CSMD1: variants seen among roughly 807,000 people sequenced by gnomAD.
CSMD1 encodes the protein CUB and Sushi multiple domains 1.
Under a neutral mutation model 417.5 loss-of-function variants are expected in CSMD1, and 213 were observed. The ratio of observed to expected loss-of-function variants is 0.51; its 90% CI spans 0.46 to 0.57. CSMD1 has a LOEUF of 0.57. Ranked by LOEUF, CSMD1 falls within the 20% of genes least tolerant of loss-of-function variation. CSMD1 has a pLI of 0.00. For synonymous variants in CSMD1, 2,862 were observed against 1,736.8 expected (o/e 1.65, Z -16.11); for missense variants, 6,923 against 4,529.7 (o/e 1.53, Z -15.17).
At chr8:3,602,267 T>C (rs1162053552) in intron 8 of CSMD1, among the ~76,000 whole-genome samples, 2 of 152,086 alleles carry the variant, frequency 1.3e-5, no homozygotes, top group South Asian at 2.1e-4. Context: ...AATTGCACAG[T>C]TTAGAGTCCC....
intron 1 of CSMD1, among the ~76,000 whole-genome samples, chr8:4,826,648 C>A (rs1160715385): frequency 1.3e-5 from 2 of 152,080 alleles, no homozygotes; most frequent in Non-Finnish European, 2.9e-5. Context: ...GGCACTTGCA[C>A]CTCACTCTCA....
At chr8:4,742,731 G>C (rs1810704336) in intron 1 of CSMD1, among the ~76,000 whole-genome samples, 1 of 152,026 alleles carries the variant, frequency 6.6e-6, no homozygotes, top group Admixed American at 6.6e-5. Context: ...AATGGCAAGT[G>C]GCAGAAAGAA....
At chr8:3,624,593 A>C (rs561538667) in intron 7 of CSMD1, among the ~76,000 whole-genome samples, 36 of 152,302 alleles carry the variant, frequency 2.4e-4, no homozygotes, top group Admixed American at 5.9e-4. Flanking sequence ...CAGAGAGGTG[A>C]CGTATGTTTT....
chr8:3,184,386 C>T lies in CSMD1; in HGVS notation c.5621-3172G>A, dbSNP rs527933781. 4.6e-5 allele frequency among the ~76,000 whole-genome samples: 7 copies of T among 152,280 alleles called. No homozygotes were observed. The South Asian group carries it at 1.5e-3, about 32-fold the overall frequency. ...AGAACCTTCCCTGATTAGGACACAG[C>T]CTCAAAAACTTGAACCTCATCAAAT... is the stretch of plus-strand genomic sequence containing the variant. On this transcript the variant is annotated intron_variant, in intron 36 of 69. Transcript: ENST00000635120.
rs6982253 is a variant in CSMD1, at chr8:4,314,495, G to A, written c.415+105458C>T. On this transcript the variant is annotated intron_variant, in intron 3 of 69. Transcript: ENST00000635120. ...ATCCGTTCCTTGAATACCTTTCTAA[G>A]CAGTCTGGACTTTGCTAATGCCTTG... Among the ~76,000 whole-genome samples, 13 of 152,040 alleles carry A rather than the reference G, an allele frequency of 8.6e-5. No homozygotes were observed. The East Asian group carries it at 2.3e-3, about 27-fold the overall frequency.
chr8:4,917,124 T>C (rs1412699317), intron 1 of CSMD1, among the ~76,000 whole-genome samples: 4 of 152,044 alleles, frequency 2.6e-5, no homozygotes, highest in African/African-American at 7.3e-5. Flanking sequence ...ACAGTCATGG[T>C]GGAAGGGAAA....
intron 28 of CSMD1, among the ~76,000 whole-genome samples, chr8:3,222,492 G>C (rs1585701601): frequency 6.6e-6 from 1 of 151,990 alleles, no homozygotes; most frequent in South Asian, 2.1e-4. Context: ...AAAATTTTTT[G>C]TAGTGATGGA....
chr8:4,578,258 T>A (rs1048856469), intron 2 of CSMD1, among the ~76,000 whole-genome samples: 1 of 150,920 alleles, frequency 6.6e-6, no homozygotes, highest in Non-Finnish European at 1.5e-5. Context: ...CCTCCCGGGT[T>A]CACGCCATTC....
In CSMD1 at chr8:4,900,858, C is replaced by G. The variant is rs577498472; in HGVS notation, c.85+93474G>C. ...CTAATTTCTGTCCTTATGTAATGCA[C>G]ACTTCCTTCAGTCGAGCACAGTCAC... is the stretch of plus-strand genomic sequence containing the variant. On this transcript the variant is annotated intron_variant, in intron 1 of 69. Coordinates refer to ENST00000635120, the MANE Select transcript of CSMD1 (RefSeq NM_033225.6). 2.6e-5 allele frequency among the ~76,000 whole-genome samples: 4 copies of G among 152,348 alleles called. No homozygotes were observed. In the East Asian group the frequency reaches 7.7e-4, roughly 29 times the overall value.
intron 2 of CSMD1, among the ~76,000 whole-genome samples, chr8:4,494,435 C>T (rs193251390): frequency 8.5e-4 from 130 of 152,236 alleles, no homozygotes; most frequent in African/African-American, 2.9e-3. Context: ...ATTAGTTTAT[C>T]GCATATATTG....
intron 3 of CSMD1, among the ~76,000 whole-genome samples, chr8:4,063,765 T>G (rs1799101460): frequency 6.6e-6 from 1 of 152,198 alleles, no homozygotes; most frequent in South Asian, 2.1e-4. Context: ...CTAAATTTCA[T>G]ATCTACTTCT....
At chr8:4,725,906 CA>C (rs1479943806) in intron 1 of CSMD1, among the ~76,000 whole-genome samples, 3 of 152,068 alleles carry the variant, frequency 2.0e-5, no homozygotes, top group Admixed American at 6.5e-5. Context: ...GTTCACATTC[CA>C]GGGGGGGTTA....
chr8:4,055,603 A>G (rs1376022857), intron 3 of CSMD1, among the ~76,000 whole-genome samples: 1 of 152,120 alleles, frequency 6.6e-6, no homozygotes, highest in Non-Finnish European at 1.5e-5. Context: ...AACGTTAAGA[A>G]TTTTAATGAA....
chr8:3,958,599 C>A (rs2740841), intron 5 of CSMD1, among the ~76,000 whole-genome samples: 1 of 151,990 alleles, frequency 6.6e-6, no homozygotes, highest in Non-Finnish European at 1.5e-5. Context: ...CATTCACATA[C>A]CCGCATTTGA....
At chr8:3,630,611 G>C (rs1482212) in intron 7 of CSMD1, among the ~76,000 whole-genome samples, 31,559 of 152,062 alleles carry the variant, frequency 0.21, 3,396 homozygotes, top group African/African-American at 0.22. Context: ...GTGAAGTGTT[G>C]GGCTGGCATG....
chr8:4,943,289 A>G (rs1478834099), intron 1 of CSMD1, among the ~76,000 whole-genome samples: 1 of 152,064 alleles, frequency 6.6e-6, no homozygotes, highest in African/African-American at 2.4e-5. Flanking sequence ...AGGTCAGGAG[A>G]TCAAGATCGT....
chr8:4,750,070 A>G (rs1382890169), intron 1 of CSMD1, among the ~76,000 whole-genome samples: 2 of 151,944 alleles, frequency 1.3e-5, no homozygotes, highest in East Asian at 1.9e-4. Flanking sequence ...GCAGTGGGCG[A>G]TCTCGGCTCA....
intron 5 of CSMD1, among the ~76,000 whole-genome samples, chr8:3,826,777 T>C (rs1477317844): frequency 6.6e-6 from 1 of 151,504 alleles, no homozygotes. Context: ...AACATATTTT[T>C]ATTTATTTTT....
intron 1 of CSMD1, among the ~76,000 whole-genome samples, chr8:4,694,642 C>T (rs1231667826): frequency 2.0e-5 from 3 of 152,064 alleles, no homozygotes; most frequent in African/African-American, 7.2e-5. Flanking sequence ...GGATTACAGC[C>T]GTGAGTCACC....
Sources: allele counts gnomAD v4.1 joint callset (sites outside exome capture counted in the v4.1 genomes callset), GRCh38; gene constraint gnomAD v4.1.1; transcripts MANE v1.5; gene names NCBI Gene and HGNC (gene_info 2026-07-23, HGNC 2026-07-21).